DAPP1: variants seen among roughly 807,000 people sequenced by gnomAD.
The protein encoded by DAPP1 is dual adaptor of phosphotyrosine and 3-phosphoinositides 1.
Under a neutral mutation model 41.5 loss-of-function variants are expected in DAPP1, and 20 were observed. The observed-to-expected ratio is 0.48, with a 90% CI of 0.34 to 0.70. The LOEUF is 0.70. DAPP1 is among the 30% of genes least tolerant of loss of function. DAPP1 has a pLI of 0.01. For missense variants in DAPP1, 233 were observed against 333.4 expected (o/e 0.70, Z 2.35); for synonymous variants, 113 against 116.2 (o/e 0.97, Z 0.18).
At chr4:99,822,979 C>A (rs182897579) in intron 1 of DAPP1, among the ~76,000 whole-genome samples, 1 of 152,276 alleles carries the variant, frequency 6.6e-6, no homozygotes, top group Non-Finnish European at 1.5e-5. Context: ...CACCTGCCCC[C>A]ATTATCTGTT....
chr4:99,833,843 G>A (rs568517681), intron 1 of DAPP1, among the ~76,000 whole-genome samples: 2 of 152,308 alleles, frequency 1.3e-5, no homozygotes, highest in East Asian at 3.9e-4. Flanking sequence ...GATCTCAATG[G>A]CTTCCTGGTA....
chr4:99,838,871 T>C (rs1183264228), intron 2 of DAPP1, among the ~76,000 whole-genome samples: 1 of 152,090 alleles, frequency 6.6e-6, no homozygotes, highest in Non-Finnish European at 1.5e-5. Context: ...GCAAGATAAG[T>C]GTTTAGGTGG....
intron 3 of DAPP1, among the ~76,000 whole-genome samples, chr4:99,840,884 A>C (rs910800183): frequency 1.3e-5 from 2 of 152,208 alleles, no homozygotes; most frequent in African/African-American, 4.8e-5. Context: ...TTTTTAAATA[A>C]GATTTTAAGC....
At chr4:99,861,308 C>T (rs368790906) in intron 4 of DAPP1, among the ~76,000 whole-genome samples, 18 of 152,298 alleles carry the variant, frequency 1.2e-4, no homozygotes, top group African/African-American at 4.1e-4. Flanking sequence ...CACACCTTGA[C>T]AAACACAGAC....
intron 1 of DAPP1, among the ~76,000 whole-genome samples, chr4:99,822,261 T>C (rs1722798041): frequency 6.6e-6 from 1 of 152,170 alleles, no homozygotes; most frequent in Admixed American, 6.5e-5. Flanking sequence ...ATTCATTCAC[T>C]CTTCTACTGG....
At position 99,863,823 on chromosome 4, in the gene DAPP1, C is replaced by T. The variant is rs3737484; in HGVS notation, c.654C>T (p.Phe218=). ...TAACAGAATGTTCAGCTGTACAATTCGATTATTCACAAGAAAGGGTAAACT... is the reference window on the plus strand; with the variant it reads ...TAACAGAATGTTCAGCTGTACAATTTGATTATTCACAAGAAAGGGTAAACT... The part of the protein sequence containing the change: ...LDLTECSAVQ[F]DYSQERVNCF... Residue 218 remains phenylalanine (F), a synonymous_variant, in exon 7 of 9, where the codon TTC becomes TTT. Coordinates refer to ENST00000512369, the MANE Select transcript of DAPP1 (RefSeq NM_014395.3). 360,567 of 1,591,572 alleles carry T rather than the reference C, an allele frequency of 0.23. 43,666 individuals carry two copies. Among genetic ancestry groups the T allele is most frequent in the African/African-American group, 0.41 (30,556 of 73,730 alleles).
intron 8 of DAPP1, 22 bp downstream of exon 8, chr4:99,866,143 G>T: frequency 3.0e-6 from 4 of 1,317,256 alleles, no homozygotes; most frequent in Non-Finnish European, 4.4e-6. Context: ...TAAGCCTTCA[G>T]ATGTCAAGTC....
chr4:99,817,697 C>T (rs771496666), intron 1 of DAPP1, among the ~76,000 whole-genome samples: 4 of 152,166 alleles, frequency 2.6e-5, no homozygotes, highest in Non-Finnish European at 4.4e-5. Flanking sequence ...ACAACTCATC[C>T]GGGTATTTAA....
chr4:99,848,204 G>C (rs925284972), intron 3 of DAPP1, among the ~76,000 whole-genome samples: 1 of 150,496 alleles, frequency 6.6e-6, no homozygotes, highest in Middle Eastern at 3.3e-3. Context: ...AGTGAGTAGG[G>C]TACAAGAACA....
At chr4:99,858,940 C>CA (rs1724142979) in intron 4 of DAPP1, among the ~76,000 whole-genome samples, 3 of 151,680 alleles carry the variant, frequency 2.0e-5, no homozygotes, top group African/African-American at 7.3e-5. Flanking sequence ...CACTCTGTCT[C>CA]CCAAGCTGGA....
chr4:99,840,506 A>C, intron 3 of DAPP1, 84 bp downstream of exon 3: 8 of 1,409,446 alleles, frequency 5.7e-6, no homozygotes, highest in Non-Finnish European at 7.7e-6. Flanking sequence ...TAAGAATGTC[A>C]TTGTTGTCAT....
rs1406910302 is a variant in DAPP1 at position 99,866,598 on chromosome 4, A to G, written c.774+477A>G. ...GATTTATTTTGTCTGCTCTCTGTAT[A>G]TCTCCCGAGGAGAAGACTGAGTGAG... is the stretch of plus-strand genomic sequence containing the variant. On this transcript the variant is annotated intron_variant, in intron 8 of 8. Transcript: ENST00000512369. 3 of 766,254 alleles carry G rather than the reference A, an allele frequency of 3.9e-6. No homozygotes were observed. In the Admixed American group the frequency reaches 5.1e-5, roughly 13 times the overall value. 47.5% of individuals were successfully genotyped at this position (766,254 alleles called of 1,614,324 possible). A position where few individuals can be genotyped will look rare whatever the true frequency, so the allele number is the denominator to read the frequency against.
chr4:99,821,233 C>T (rs981541791), intron 1 of DAPP1, among the ~76,000 whole-genome samples: 6 of 152,222 alleles, frequency 3.9e-5, no homozygotes, highest in South Asian at 4.1e-4. Context: ...ACCATTCACA[C>T]GCATAATGCC....
At chr4:99,838,819 A>G (rs1723389919) in intron 2 of DAPP1, among the ~76,000 whole-genome samples, 5 of 152,234 alleles carry the variant, frequency 3.3e-5, no homozygotes, top group Admixed American at 2.6e-4. Context: ...ACATACAAGT[A>G]ACATACTACA....
At chr4:99,836,076 C>G (rs979791408) in intron 2 of DAPP1, among the ~76,000 whole-genome samples, 1 of 152,194 alleles carries the variant, frequency 6.6e-6, no homozygotes, top group East Asian at 1.9e-4. Flanking sequence ...AAATTCCTGA[C>G]ACCTGGCTCA....
intron 1 of DAPP1, among the ~76,000 whole-genome samples, chr4:99,829,306 C>G (rs1238770556): frequency 6.6e-6 from 1 of 151,854 alleles, no homozygotes; most frequent in African/African-American, 2.4e-5. Flanking sequence ...ATGGTGAAAC[C>G]CTGTCTCTAT....
chr4:99,861,512 A>G (rs1292706666), intron 4 of DAPP1, 66 bp from the exon 5 acceptor site: 29 of 1,465,326 alleles, frequency 2.0e-5, no homozygotes, highest in Non-Finnish European at 2.7e-5. Context: ...AAAATAGGAC[A>G]TGAAAGGAAG....
At chr4:99,859,323 A>G (rs1724157901) in intron 4 of DAPP1, among the ~76,000 whole-genome samples, 2 of 152,104 alleles carry the variant, frequency 1.3e-5, no homozygotes, top group African/African-American at 4.8e-5. Flanking sequence ...TATTTCTCCA[A>G]GAAACTCTGC....
At chr4:99,862,048 A>G (rs1000690031) in intron 5 of DAPP1, among the ~76,000 whole-genome samples, 57 of 152,238 alleles carry the variant, frequency 3.7e-4, no homozygotes, top group African/African-American at 1.4e-3. Flanking sequence ...GAAAAACACA[A>G]TTTAAGCTCT....
Sources: allele counts gnomAD v4.1 joint callset (sites outside exome capture counted in the v4.1 genomes callset), GRCh38; gene constraint gnomAD v4.1.1; transcripts MANE v1.5; gene names NCBI Gene and HGNC (gene_info 2026-07-23, HGNC 2026-07-21).